Variants in BAZ2B observed in about 807,000 individuals in gnomAD.
BAZ2B encodes bromodomain adjacent to zinc finger domain 2B.
BAZ2B carries 91 observed loss-of-function variants against 246.0 expected under a neutral mutation model. The ratio of observed to expected loss-of-function variants is 0.37; its 90% confidence interval spans 0.31 to 0.44. The LOEUF is 0.44. BAZ2B is among the 20% of genes least tolerant of loss of function. The pLI, the probability that BAZ2B is intolerant of heterozygous loss-of-function variation, is 1.00. For missense variants in BAZ2B, 2,332 were observed against 2,533.7 expected (o/e 0.92, Z 1.71); for synonymous variants, 855 against 860.0 (o/e 0.99, Z 0.10).
At chr2:159,696,987 T>G in the BAZ2B span, among the ~76,000 whole-genome samples, 10,780 of 152,206 alleles carry the variant, frequency 0.071, 481 homozygotes, top group East Asian at 0.14. Flanking sequence ...GATTTCACCA[T>G]ATTGGTCATG....
At chr2:159,359,676 C>G (rs1312039269) in intron 27 of BAZ2B, among the ~76,000 whole-genome samples, 3 of 152,170 alleles carry the variant, frequency 2.0e-5, no homozygotes, top group African/African-American at 7.2e-5. Context: ...AGGCCAATAT[C>G]CCTGATGAAC....
chr2:159,323,199 G>T (rs985600699), intron 36 of BAZ2B, among the ~76,000 whole-genome samples: 8 of 151,820 alleles, frequency 5.3e-5, no homozygotes, highest in African/African-American at 1.5e-4. Flanking sequence ...TGGCCAGGCT[G>T]GTCTTGAACT....
chr2:159,640,335 T>C, the BAZ2B span, among the ~76,000 whole-genome samples: 1 of 152,114 alleles, frequency 6.6e-6, no homozygotes, highest in Non-Finnish European at 1.5e-5. Context: ...TAATCTGCTA[T>C]ACACAAAAAA....
At chr2:159,397,241 A>G in intron 19 of BAZ2B, 104 bp downstream of exon 19, 1 of 1,244,592 alleles carries the variant, frequency 8.0e-7, no homozygotes, top group Non-Finnish European at 1.1e-6. Context: ...CAGAAATTAT[A>G]TCAGAAATTT....
At chr2:159,597,784 T>C (rs1012999160) in intron 1 of BAZ2B, among the ~76,000 whole-genome samples, 1 of 152,186 alleles carries the variant, frequency 6.6e-6, no homozygotes, top group African/African-American at 2.4e-5. Context: ...GTATGTTTAT[T>C]GTTACTTTGA....
intron 24 of BAZ2B, among the ~76,000 whole-genome samples, chr2:159,383,063 G>C (rs1248160310): frequency 6.6e-6 from 1 of 151,876 alleles, no homozygotes; most frequent in Non-Finnish European, 1.5e-5. Context: ...TTGAAAAGAA[G>C]AATTCTAACA....
At chr2:159,482,848 A>G (rs1559579165) in intron 2 of BAZ2B, among the ~76,000 whole-genome samples, 1 of 152,208 alleles carries the variant, frequency 6.6e-6, no homozygotes, top group Non-Finnish European at 1.5e-5. Context: ...TCATTTATTC[A>G]TATCTTTTTA....
intron 34 of BAZ2B, among the ~76,000 whole-genome samples, chr2:159,330,618 G>A (rs920305523): frequency 3.9e-5 from 6 of 151,972 alleles, no homozygotes; most frequent in Admixed American, 1.3e-4. Context: ...CCCAGACTTC[G>A]GAGGCTGTAG....
rs113341077 is a variant in BAZ2B, at chr2:159,568,536, G to A, written c.-45-12671C>T. On this transcript the variant is annotated intron_variant, in intron 1 of 36. Coordinates refer to ENST00000392783, the MANE Select transcript of BAZ2B (RefSeq NM_013450.4). ...TTAAGTTCTCATTCATGAGAAAGGAGTTCATGCAGACTGAAAAGTTAAAAA... is the reference window on the plus strand; with the variant it reads ...TTAAGTTCTCATTCATGAGAAAGGAATTCATGCAGACTGAAAAGTTAAAAA... Among the ~76,000 whole-genome samples the A allele has an allele frequency of 7.8e-4, 112 of 143,476 alleles. 2 individuals are homozygous for A. Among genetic ancestry groups the A allele is most frequent in the African/African-American group, 2.8e-3 (107 of 38,842 alleles). 94.1% of individuals were successfully genotyped at this position (143,476 alleles called of 152,430 possible).
intron 4 of BAZ2B, among the ~76,000 whole-genome samples, chr2:159,449,516 G>A (rs767100946): frequency 1.6e-4 from 24 of 152,102 alleles, no homozygotes; most frequent in Admixed American, 2.6e-4. Flanking sequence ...ATGTAAAATG[G>A]TATGCACCTT....
At chr2:159,537,061 G>C (rs2086087824) in intron 2 of BAZ2B, among the ~76,000 whole-genome samples, 1 of 152,162 alleles carries the variant, frequency 6.6e-6, no homozygotes, top group Non-Finnish European at 1.5e-5. Flanking sequence ...ACACACAGGA[G>C]TATCATTCAG....
At chr2:159,519,210 CTTTTTTTTTTTTTTTT>C (rs564614568) in intron 2 of BAZ2B, among the ~76,000 whole-genome samples, 21 of 57,778 alleles carry the variant, frequency 3.6e-4, no homozygotes, top group Non-Finnish European at 4.7e-4. Context: ...ATTCTATTTT[CTTTTTTTTTTTTTTTT>C]TTTTTTTTTT....
the BAZ2B span, chr2:159,690,298 C>T: frequency 1.1e-5 from 3 of 266,264 alleles, no homozygotes; most frequent in Admixed American, 4.2e-5. Flanking sequence ...TTTCATAAGG[C>T]GCTCATTCTC....
intron 33 of BAZ2B, among the ~76,000 whole-genome samples, chr2:159,336,668 T>C (rs1254773930): frequency 6.6e-6 from 1 of 152,206 alleles, no homozygotes; most frequent in Non-Finnish European, 1.5e-5. Context: ...TAATAACTAT[T>C]GTGCTGATGG....
chr2:159,538,336 A>G (rs11885406), intron 2 of BAZ2B, among the ~76,000 whole-genome samples: 4,740 of 152,304 alleles, frequency 0.031, 248 homozygotes, highest in African/African-American at 0.11. Context: ...CACTGTATAT[A>G]TGAAATATTT....
intron 1 of BAZ2B, among the ~76,000 whole-genome samples, chr2:159,577,606 G>A (rs1328019751): frequency 6.6e-6 from 1 of 152,118 alleles, no homozygotes; most frequent in Non-Finnish European, 1.5e-5. Flanking sequence ...AGTTAGGGAG[G>A]AAAAATACTT....
Position 159,349,229 on chromosome 2 carries a change from C to G in BAZ2B, c.4915G>C (p.Gly1639Arg), listed in dbSNP as rs746499486. ...AATGGAATATTAGAAGTAACCACAC[C>G]AGTGGGCCATCCACAAAACTGAAGT... ...MGLQFCGWPTGVVTSNIPFTS... is the reference protein window; with the variant it reads ...MGLQFCGWPTRVVTSNIPFTS... Residue 1639 changes from glycine (G) to arginine (R), a missense_variant, in exon 29 of 37, where the codon GGT (glycine) becomes CGT (arginine). Physicochemically the swap from Gly to Arg is moderately radical, Grantham distance 125 (BLOSUM62 -2). Coordinates refer to ENST00000392783, the MANE Select transcript of BAZ2B (RefSeq NM_013450.4). The G allele has an allele frequency of 6.2e-7, 1 of 1,613,978 alleles. No individual in the cohort carries two copies.
chr2:159,325,337 G>A (rs1202655092), intron 35 of BAZ2B, among the ~76,000 whole-genome samples: 1 of 150,066 alleles, frequency 6.7e-6, no homozygotes, highest in African/African-American at 2.5e-5. Context: ...CACCATGTTG[G>A]CCAGGCTGGT....
intron 7 of BAZ2B, 47 bp downstream of exon 7, chr2:159,438,962 C>T: frequency 6.4e-7 from 1 of 1,567,220 alleles, no homozygotes. Context: ...CCAGTTAATT[C>T]CTAAATATGA....
Sources: gnomAD v4.1 joint callset for allele counts (sites outside exome capture counted in the v4.1 genomes callset) on GRCh38, gnomAD v4.1.1 for gene constraint, MANE v1.5 for transcripts, NCBI Gene and HGNC (gene_info 2026-07-23, HGNC 2026-07-21) for gene names.